The following UBE3C variants were observed in gnomAD, a reference collection of about 807,000 sequenced individuals.
UBE3C encodes the protein ubiquitin protein ligase E3C.
Under a neutral mutation model 129.4 loss-of-function variants are expected in UBE3C, and 42 were observed. That is an observed-to-expected ratio of 0.32 (90% CI 0.25 to 0.42). The LOEUF (loss-of-function observed/expected upper bound fraction) is 0.42, where lower values mean the gene tolerates loss of function less well. Among genes scored for constraint, UBE3C ranks in the 10% least tolerant of loss-of-function variants. UBE3C has a pLI of 1.00. For missense variants in UBE3C, 1,049 were observed against 1,319.1 expected (o/e 0.80, Z 3.17); for synonymous variants, 510 against 492.4 (o/e 1.04, Z -0.47).
At chr7:157,218,317 C>T (rs1383166458) in intron 14 of UBE3C, among the ~76,000 whole-genome samples, 5 of 151,820 alleles carry the variant, frequency 3.3e-5, no homozygotes, top group African/African-American at 7.3e-5. Flanking sequence ...CGGTGGTGTG[C>T]GCCTATAGTC....
intron 5 of UBE3C, among the ~76,000 whole-genome samples, chr7:157,176,069 A>T (rs1808509464): frequency 6.6e-6 from 1 of 152,162 alleles, no homozygotes; most frequent in South Asian, 2.1e-4. Flanking sequence ...CCTTTAACGT[A>T]ACTTTTGAAT....
rs571526962 is a variant in UBE3C, at chr7:157,187,766, C to T, written c.1331+745C>T. Among the ~76,000 whole-genome samples the T allele has an allele frequency of 6.6e-4, 101 of 151,912 alleles. No individual in the cohort carries two copies. In the South Asian group the frequency reaches 0.012, roughly 18 times the overall value. The stretch of plus-strand genomic sequence containing the variant: ...TAATTTTTTGTATTTTTAGTAAAGA[C>T]GGGGTTTCACCATGTTAGCCAGGAT... On this transcript the variant is annotated intron_variant, in intron 10 of 22. Transcript: ENST00000348165.
rs140020181 is a variant in UBE3C at position 157,183,185 on chromosome 7, G to A, written c.992-693G>A. On this transcript the variant is annotated intron_variant, in intron 8 of 22. Transcript: ENST00000348165. ...TACAATTCAGTTCAATTCTGATGCC[G>A]TCCACCCGGAGATAATGTCAGATCC... Among the ~76,000 whole-genome samples, 600 of 152,142 alleles carry A rather than the reference G, an allele frequency of 3.9e-3. 10 individuals carry two copies. The highest frequency in any genetic ancestry group is 6.4e-3 in the East Asian group (33 of 5,180).
intron 1 of UBE3C, among the ~76,000 whole-genome samples, chr7:157,142,800 A>G (rs1807491489): frequency 6.6e-6 from 1 of 152,006 alleles, no homozygotes; most frequent in African/African-American, 2.4e-5. Flanking sequence ...GTCCTGCAGT[A>G]TATTCTTGTA....
At chr7:157,144,191 A>C (rs1441730285) in intron 1 of UBE3C, among the ~76,000 whole-genome samples, 1 of 152,200 alleles carries the variant, frequency 6.6e-6, no homozygotes, top group Non-Finnish European at 1.5e-5. Context: ...TGCCACACCG[A>C]AGACTGAGGC....
Position 157,181,763 on chromosome 7 carries a change from T to G in UBE3C, c.770+92T>G, listed in dbSNP as rs146952756. The G allele has an allele frequency of 4.8e-3, 7,213 of 1,490,492 alleles. 135 individuals carry two copies. The highest frequency in any genetic ancestry group is 0.041 in the Admixed American group (1,723 of 42,260). The allele number at this position is 1,490,492 out of a possible 1,614,324, so 92.3% of individuals were successfully genotyped here. A position where few individuals can be genotyped will look rare whatever the true frequency, so the allele number is the denominator to read the frequency against. ...ATAGGATGTGATTTTAAATATAGAC[T>G]TGAAATTCAGGTTTTTACTTTATTA... On this transcript the variant is annotated intron_variant, in intron 7 of 22. Coordinates refer to ENST00000348165, the MANE Select transcript of UBE3C (RefSeq NM_014671.3).
chr7:157,158,066 T>C lies in UBE3C; in HGVS notation c.67-5744T>C, dbSNP rs1315977145. 8.9e-5 allele frequency among the ~76,000 whole-genome samples: 13 copies of C among 145,948 alleles called. 1 individual carries two copies. The East Asian group carries it at 2.4e-3, about 26-fold the overall frequency. Reference sequence around the variant, plus strand: ...TCTTTTTTCCTTTTTTTTTTTTTTTTTTTTTTCCTGTAAAGGGAGCCTTGT... The same window carrying C: ...TCTTTTTTCCTTTTTTTTTTTTTTTCTTTTTTCCTGTAAAGGGAGCCTTGT... On this transcript the variant is annotated intron_variant, in intron 1 of 22. Transcript: ENST00000348165.
chr7:157,255,642 A>G (rs1363845743), intron 21 of UBE3C, among the ~76,000 whole-genome samples: 1 of 152,214 alleles, frequency 6.6e-6, no homozygotes, highest in Non-Finnish European at 1.5e-5. Flanking sequence ...AATCTCAGCT[A>G]TGCCAGTAAA....
chr7:157,225,286 CTA>C, intron 16 of UBE3C, 119 bp from the exon 17 acceptor site: 1 of 1,122,872 alleles, frequency 8.9e-7, no homozygotes, highest in Non-Finnish European at 1.2e-6. Flanking sequence ...GATACCTTGA[CTA>C]TTAGCATTTA....
chr7:157,141,558 T>C (rs1359683574), intron 1 of UBE3C, among the ~76,000 whole-genome samples: 4 of 152,208 alleles, frequency 2.6e-5, no homozygotes, highest in African/African-American at 9.7e-5. Context: ...CAGCTCTTCA[T>C]GCAATGGTGA....
intron 13 of UBE3C, among the ~76,000 whole-genome samples, chr7:157,215,706 C>T (rs1050358301): frequency 4.6e-5 from 7 of 151,780 alleles, no homozygotes; most frequent in Non-Finnish European, 7.4e-5. Context: ...CAGAAAACGC[C>T]GTCTTGAGCT....
At chr7:157,241,672 T>G (rs1796329738) in intron 18 of UBE3C, among the ~76,000 whole-genome samples, 1 of 152,254 alleles carries the variant, frequency 6.6e-6, no homozygotes, top group African/African-American at 2.4e-5. Context: ...TAATTACCTT[T>G]GGACCCAGCA....
At chr7:157,264,236 G>T in intron 22 of UBE3C, among the ~76,000 whole-genome samples, 1 of 140,380 alleles carries the variant, frequency 7.1e-6, no homozygotes, top group Non-Finnish European at 1.5e-5. Context: ...TGCTCGGCCT[G>T]TTACACACAC....
At chr7:157,141,541 C>T (rs1807449476) in intron 1 of UBE3C, among the ~76,000 whole-genome samples, 1 of 152,216 alleles carries the variant, frequency 6.6e-6, no homozygotes, top group South Asian at 2.1e-4. Flanking sequence ...GTGCTGAATA[C>T]TGTAGGCAGC....
intron 1 of UBE3C, among the ~76,000 whole-genome samples, chr7:157,163,366 G>A (rs1471644676): frequency 5.8e-5 from 8 of 138,570 alleles, no homozygotes; most frequent in Admixed American, 2.4e-4. Context: ...CAGCCTGGGC[G>A]ACAGAGAGAG....
At chr7:157,237,036 A>G (rs972229651) in intron 18 of UBE3C, among the ~76,000 whole-genome samples, 5 of 152,148 alleles carry the variant, frequency 3.3e-5, no homozygotes, top group African/African-American at 9.7e-5. Flanking sequence ...CCGGCAAGAC[A>G]GTTTTCTATG....
rs1796680685 is a variant in UBE3C at position 157,253,958 on chromosome 7, T to C, written c.2699T>C (p.Val900Ala). 1 of 1,581,496 alleles carries C rather than the reference T, an allele frequency of 6.3e-7. No individual in the cohort carries two copies. Among genetic ancestry groups the C allele is most frequent in the African/African-American group, 1.4e-5 (1 of 73,994 alleles). Residue 900 changes from valine to alanine, a missense_variant, in exon 20 of 23, where the codon GTT (valine) becomes GCT (alanine). Transcript: ENST00000348165. The part of the protein sequence containing the change: ...VNNDLGEAQV[V>A]ELKFGGKDIP... The stretch of plus-strand genomic sequence containing the variant: ...CCTTACGTTTTGTATTCCCAGGTAG[T>C]TGAACTAAAATTCGGTGGGAAAGAC...
chr7:157,141,788 C>T lies in UBE3C; in HGVS notation c.66+2450C>T, dbSNP rs118167631. Among the ~76,000 whole-genome samples the T allele has an allele frequency of 1.2e-4, 18 of 152,326 alleles. No homozygotes were observed. The East Asian group carries it at 3.1e-3, about 26-fold the overall frequency. ...AGCCACTCACCACTTGTCGTTTGTGCCCGGCTGCTTTGGCTTGGCTTCTGT... is the reference window on the plus strand; with the variant it reads ...AGCCACTCACCACTTGTCGTTTGTGTCCGGCTGCTTTGGCTTGGCTTCTGT... On this transcript the variant is annotated intron_variant, in intron 1 of 22. Coordinates refer to ENST00000348165, the MANE Select transcript of UBE3C (RefSeq NM_014671.3).
At chr7:157,178,953 G>C in intron 6 of UBE3C, 106 bp downstream of exon 6, 1 of 1,391,832 alleles carries the variant, frequency 7.2e-7, no homozygotes, top group Non-Finnish European at 9.7e-7. Flanking sequence ...ATGTCAGAGC[G>C]GTACTGGTGT....
Sources: gnomAD v4.1 joint callset for allele counts (sites outside exome capture counted in the v4.1 genomes callset) on GRCh38, gnomAD v4.1.1 for gene constraint, MANE v1.5 for transcripts, NCBI Gene and HGNC (gene_info 2026-07-23, HGNC 2026-07-21) for gene names.